MPDZ: variants seen among roughly 807,000 people sequenced by gnomAD.
The protein encoded by MPDZ is multiple PDZ domain protein.
Under a neutral mutation model 239.1 loss-of-function variants are expected in MPDZ, and 234 were observed. That is an observed-to-expected ratio of 0.98 (90% CI 0.88 to 1.09). MPDZ has a LOEUF of 1.09. Among genes scored for constraint, MPDZ ranks in the 50% least tolerant of loss-of-function variants. The pLI, the probability that MPDZ is intolerant of heterozygous loss-of-function variation, is 0.00. For synonymous variants in MPDZ, 1,048 were observed against 881.3 expected (o/e 1.19, Z -3.35); for missense variants, 3,175 against 2,510.0 (o/e 1.26, Z -5.66).
At chr9:13,198,950 T>C (rs1188492637) in intron 12 of MPDZ, among the ~76,000 whole-genome samples, 1 of 152,004 alleles carries the variant, frequency 6.6e-6, no homozygotes, top group African/African-American at 2.4e-5. Flanking sequence ...GGTATATTCA[T>C]AGGTATGGCA....
chr9:13,273,034 A>T (rs1325923864), intron 1 of MPDZ, among the ~76,000 whole-genome samples: 1 of 152,140 alleles, frequency 6.6e-6, no homozygotes, highest in Admixed American at 6.5e-5. Context: ...GTGCCCTTAT[A>T]AAATAGGTAC....
chr9:13,242,349 C>G (rs1274846361), intron 3 of MPDZ, among the ~76,000 whole-genome samples: 2 of 151,124 alleles, frequency 1.3e-5, no homozygotes, highest in African/African-American at 4.9e-5. Context: ...CCTCAGCCTC[C>G]CCAGTAGCTG....
chr9:13,117,953 T>C (rs1943739666), intron 39 of MPDZ, among the ~76,000 whole-genome samples: 1 of 150,510 alleles, frequency 6.6e-6, no homozygotes, highest in African/African-American at 2.4e-5. Context: ...CAGGCGATTC[T>C]CCTGCCTCAG....
chr9:13,123,355 T>A (rs1944652517), intron 35 of MPDZ, 57 bp from the exon 36 acceptor site: 2 of 1,445,500 alleles, frequency 1.4e-6, no homozygotes, highest in South Asian at 1.2e-5. Context: ...GGCATATCCA[T>A]CAAACTCATC....
intron 12 of MPDZ, among the ~76,000 whole-genome samples, chr9:13,199,948 T>C (rs895207305): frequency 6.6e-5 from 10 of 152,062 alleles, no homozygotes; most frequent in Non-Finnish European, 1.5e-4. Context: ...GGTTTTAGAA[T>C]CAGGGCAAGG....
chr9:13,146,055 T>C (rs1948393280), intron 26 of MPDZ, among the ~76,000 whole-genome samples: 1 of 152,060 alleles, frequency 6.6e-6, no homozygotes, highest in African/African-American at 2.4e-5. Flanking sequence ...TTTATAGTTA[T>C]TTAAACAAAT....
chr9:13,183,147 T>G (rs138112263), intron 19 of MPDZ, among the ~76,000 whole-genome samples: 54 of 152,206 alleles, frequency 3.5e-4, no homozygotes, highest in African/African-American at 1.3e-3. Context: ...TGATGCTAAA[T>G]TTTTCTTTCT....
intron 3 of MPDZ, among the ~76,000 whole-genome samples, chr9:13,241,505 C>A (rs1965399548): frequency 6.6e-6 from 1 of 152,154 alleles, no homozygotes; most frequent in African/African-American, 2.4e-5. Flanking sequence ...GTCATCTCCC[C>A]TTTACTGATA....
rs570826307 is a variant in MPDZ at position 13,150,403 on chromosome 9, T to G, written c.3630+108A>C. The G allele has an allele frequency of 1.2e-4, 98 of 826,792 alleles. 1 individual carries two copies. The East Asian group carries it at 3.2e-3, about 27-fold the overall frequency. 51.2% of individuals were successfully genotyped at this position (826,792 alleles called of 1,614,324 possible). A position where few individuals can be genotyped will look rare whatever the true frequency, so the allele number is the denominator to read the frequency against. On this transcript the variant is annotated intron_variant, in intron 25 of 46. Transcript: ENST00000319217. ...ACAAAGGGTGGAGCAGGTGAAAAAT[T>G]TTAGCACATGTACCCTAAAACTTAA...
chr9:13,268,536 C>T (rs781639657), intron 1 of MPDZ, among the ~76,000 whole-genome samples: 4 of 151,890 alleles, frequency 2.6e-5, no homozygotes, highest in Admixed American at 6.6e-5. Flanking sequence ...TAGTGGAAAA[C>T]GGTAAGTAAT....
At chr9:13,164,703 T>A (rs758776920) in intron 22 of MPDZ, among the ~76,000 whole-genome samples, 5 of 152,056 alleles carry the variant, frequency 3.3e-5, no homozygotes, top group Non-Finnish European at 7.4e-5. Flanking sequence ...TGTAGGCATT[T>A]ACAAATATTT....
chr9:13,143,690 C>G, intron 26 of MPDZ, 126 bp from the exon 27 acceptor site: 1 of 728,364 alleles, frequency 1.4e-6, no homozygotes, highest in Non-Finnish European at 2.5e-6. Context: ...CAGATCCAGT[C>G]ATTAATAGCA....
At chr9:13,226,290 T>G (rs1233581731) in intron 3 of MPDZ, among the ~76,000 whole-genome samples, 1 of 152,164 alleles carries the variant, frequency 6.6e-6, no homozygotes, top group Non-Finnish European at 1.5e-5. Flanking sequence ...TTAAAAGAGT[T>G]TGAAGTTAAA....
At chr9:13,141,513 A>G (rs1284585191) in intron 27 of MPDZ, among the ~76,000 whole-genome samples, 3 of 152,144 alleles carry the variant, frequency 2.0e-5, no homozygotes, top group Non-Finnish European at 1.5e-5. Flanking sequence ...GTTTTCCTAT[A>G]TATCTTTATT....
rs967326730 is a variant in MPDZ, at chr9:13,195,986, T to C, written c.1656+135A>G. On this transcript the variant is annotated intron_variant, in intron 13 of 46. Transcript: ENST00000319217. The stretch of plus-strand genomic sequence containing the variant: ...ATTTTTTTTATTACCTGGATCACCA[T>C]ATTTAGGTTGTCTAAAAAAGGCCTG... The C allele has an allele frequency of 8.8e-6, 5 of 570,058 alleles. No individual in the cohort carries two copies. The Admixed American group carries it at 1.0e-4, about 11-fold the overall frequency. The allele number at this position is 570,058 out of a possible 1,614,324, so 35.3% of individuals were successfully genotyped here.
At chr9:13,122,525 T>C (rs985313661) in intron 36 of MPDZ, among the ~76,000 whole-genome samples, 15 of 147,542 alleles carry the variant, frequency 1.0e-4, no homozygotes, top group African/African-American at 3.7e-4. Flanking sequence ...TTCAAACTCT[T>C]TTTTTTTTTT....
At chr9:13,192,698 G>C (rs1445590852) in intron 14 of MPDZ, among the ~76,000 whole-genome samples, 1 of 152,116 alleles carries the variant, frequency 6.6e-6, no homozygotes, top group African/African-American at 2.4e-5. Flanking sequence ...TTTAAAAAGT[G>C]AGGGAAAATA....
At chr9:13,184,914 C>T (rs1003030213) in intron 18 of MPDZ, among the ~76,000 whole-genome samples, 5 of 151,956 alleles carry the variant, frequency 3.3e-5, no homozygotes, top group Admixed American at 1.3e-4. Flanking sequence ...AGATGCCAAG[C>T]TCACATAAAA....
At chr9:13,107,338 A>C (rs1328355518) in intron 46 of MPDZ, among the ~76,000 whole-genome samples, 1 of 152,192 alleles carries the variant, frequency 6.6e-6, no homozygotes, top group Admixed American at 6.5e-5. Flanking sequence ...AGAATTTAGC[A>C]GTCGATAGAT....
Sources: allele counts gnomAD v4.1 joint callset (sites outside exome capture counted in the v4.1 genomes callset), GRCh38; gene constraint gnomAD v4.1.1; transcripts MANE v1.5; gene names NCBI Gene and HGNC (gene_info 2026-07-23, HGNC 2026-07-21).